Variants in IQGAP2 observed in about 807,000 individuals in gnomAD.
The protein encoded by IQGAP2 is ras GTPase-activating-like protein IQGAP2.
A neutral mutation model predicts 201.3 loss-of-function variants in IQGAP2; 173 were observed. The ratio of observed to expected loss-of-function variants is 0.86; its 90% CI spans 0.76 to 0.98. IQGAP2 has a LOEUF of 0.98. Ranked by LOEUF, IQGAP2 falls within the 50% of genes least tolerant of loss-of-function variation. The pLI is 0.00. For synonymous variants in IQGAP2, 675 were observed against 673.9 expected (o/e 1.00, Z -0.03); for missense variants, 1,687 against 1,864.8 (o/e 0.90, Z 1.76).
intron 2 of IQGAP2, among the ~76,000 whole-genome samples, chr5:76,488,335 A>G (rs1447729570): frequency 6.6e-6 from 1 of 152,202 alleles, no homozygotes; most frequent in Non-Finnish European, 1.5e-5. Flanking sequence ...TGATCAAGCT[A>G]AGGTCAGATC....
chr5:76,485,778 G>T (rs533425390), intron 2 of IQGAP2, among the ~76,000 whole-genome samples: 8 of 152,308 alleles, frequency 5.3e-5, no homozygotes, highest in Non-Finnish European at 1.2e-4. Flanking sequence ...TCTAGGGAGA[G>T]AGCAGGTATG....
chr5:76,520,757 G>A (rs1451353284), intron 2 of IQGAP2, among the ~76,000 whole-genome samples: 3 of 142,512 alleles, frequency 2.1e-5, no homozygotes. Flanking sequence ...AGGCTGGAGT[G>A]CAGTGAGTGG....
intron 2 of IQGAP2, among the ~76,000 whole-genome samples, chr5:76,496,748 T>TCTTTCTTTCTTTC (rs1561416347): frequency 1.3e-4 from 8 of 61,356 alleles, no homozygotes; most frequent in East Asian, 8.5e-4. Context: ...TTTCTTTCTT[T>TCTTTCTTTCTTTC]CTTTCTTTCT....
intron 34 of IQGAP2, chr5:76,701,666 T>C (rs1747406235): frequency 6.5e-6 from 1 of 153,976 alleles, no homozygotes; most frequent in Admixed American, 6.5e-5. Flanking sequence ...TCAGGCACCA[T>C]GTGCTGCCTC....
chr5:76,647,852 A>ACACACACACACACACACAC (rs558983752), intron 17 of IQGAP2, among the ~76,000 whole-genome samples: 17 of 142,838 alleles, frequency 1.2e-4, no homozygotes, highest in African/African-American at 4.3e-4. Flanking sequence ...CACACACACA[A>ACACACACACACACACACAC]ACGAAAAAAA....
At chr5:76,615,386 C>T (rs986831609) in intron 13 of IQGAP2, 8 of 152,072 alleles carry the variant, frequency 5.3e-5, no homozygotes, top group African/African-American at 1.9e-4. Flanking sequence ...CTGAGTTTTG[C>T]TCTTTGCATA....
chr5:76,526,108 A>G (rs751001617), intron 2 of IQGAP2, among the ~76,000 whole-genome samples: 2 of 152,200 alleles, frequency 1.3e-5, no homozygotes, highest in Non-Finnish European at 2.9e-5. Context: ...GAATATTAAC[A>G]TAGCCTTTTA....
At chr5:76,636,245 T>C (rs1259186034) in intron 15 of IQGAP2, among the ~76,000 whole-genome samples, 1 of 152,242 alleles carries the variant, frequency 6.6e-6, no homozygotes, top group Non-Finnish European at 1.5e-5. Flanking sequence ...CTTATGTTTT[T>C]CTGTTGTTTT....
At chr5:76,563,933 T>A (rs1171515167) in intron 3 of IQGAP2, among the ~76,000 whole-genome samples, 1 of 150,726 alleles carries the variant, frequency 6.6e-6, no homozygotes, top group Admixed American at 6.6e-5. Context: ...GTTTGAATAA[T>A]CTTCAAGGTT....
At chr5:76,408,585 C>G (rs1323356883) in intron 1 of IQGAP2, among the ~76,000 whole-genome samples, 1 of 152,090 alleles carries the variant, frequency 6.6e-6, no homozygotes, top group Non-Finnish European at 1.5e-5. Flanking sequence ...TCATGATTCT[C>G]TCAAGATGTA....
At position 76,673,405 on chromosome 5, in the gene IQGAP2, T is replaced by C. The variant is rs761694672; in HGVS notation, c.3069-44T>C. The C allele has an allele frequency of 8.2e-6, 13 of 1,592,758 alleles. No individual in the cohort carries two copies. The South Asian group carries it at 1.5e-4, about 18-fold the overall frequency. ...ACCAACTTGGCAGCAAAATTAATGC[T>C]TGTACCTAAGCCTCCAGTTAATTTA... On this transcript the variant is annotated intron_variant, in intron 24 of 35. Transcript: ENST00000274364.
intron 2 of IQGAP2, among the ~76,000 whole-genome samples, chr5:76,506,832 A>T (rs918305404): frequency 6.6e-6 from 1 of 152,230 alleles, no homozygotes; most frequent in Non-Finnish European, 1.5e-5. Context: ...GATCTATGTG[A>T]GGAAAACTGC....
At chr5:76,462,584 G>A (rs891896158) in intron 2 of IQGAP2, among the ~76,000 whole-genome samples, 1 of 152,118 alleles carries the variant, frequency 6.6e-6, no homozygotes, top group Non-Finnish European at 1.5e-5. Context: ...AGGGTGGAGC[G>A]ACAGTATTGT....
At chr5:76,706,571 C>T (rs924898079) in intron 35 of IQGAP2, among the ~76,000 whole-genome samples, 14 of 152,138 alleles carry the variant, frequency 9.2e-5, no homozygotes, top group Non-Finnish European at 1.6e-4. Flanking sequence ...TGGTCTCACT[C>T]TCCTGACCTC....
chr5:76,474,569 TTTTG>T (rs1044182374), intron 2 of IQGAP2, among the ~76,000 whole-genome samples: 3 of 152,162 alleles, frequency 2.0e-5, no homozygotes, highest in East Asian at 1.9e-4. Context: ...TGGGTTGCTT[TTTTG>T]TTTGTTTGTT....
At chr5:76,650,064 A>G (rs376522825) in intron 17 of IQGAP2, among the ~76,000 whole-genome samples, 1 of 152,222 alleles carries the variant, frequency 6.6e-6, no homozygotes, top group Non-Finnish European at 1.5e-5. Context: ...TGTGCAGTGC[A>G]TCAAGGCCCT....
At chr5:76,665,259 C>A in intron 22 of IQGAP2, 84 bp downstream of exon 22, 3 of 1,197,790 alleles carry the variant, frequency 2.5e-6, no homozygotes, top group Non-Finnish European at 3.6e-6. Flanking sequence ...TTTTGTCATG[C>A]TTCAGCTATA....
At chr5:76,501,444 A>G (rs1206767038) in intron 2 of IQGAP2, among the ~76,000 whole-genome samples, 2 of 152,050 alleles carry the variant, frequency 1.3e-5, no homozygotes, top group Admixed American at 6.5e-5. Flanking sequence ...TAAACTATAA[A>G]GGAAAATAAC....
rs192984722 is a variant in IQGAP2 at position 76,664,828 on chromosome 5, C to T, written c.2530-198C>T. On this transcript the variant is annotated intron_variant, in intron 21 of 35. Transcript: ENST00000274364. ...ATTGGAAAAAAATGGTGACAATAGG[C>T]ATGTTCAATGTAGGATTGCACAAAC... Among the ~76,000 whole-genome samples, 29 of 151,934 alleles carry T rather than the reference C, an allele frequency of 1.9e-4. No homozygotes were observed. The East Asian group carries it at 4.8e-3, about 25-fold the overall frequency.
Sources: gnomAD v4.1 joint callset for allele counts (sites outside exome capture counted in the v4.1 genomes callset) on GRCh38, gnomAD v4.1.1 for gene constraint, MANE v1.5 for transcripts, NCBI Gene and HGNC (gene_info 2026-07-23, HGNC 2026-07-21) for gene names.